F13A1: variants seen among roughly 807,000 people sequenced by gnomAD.
F13A1 encodes FSF, A subunit.
In F13A1, 47 loss-of-function variants were observed where a neutral mutation model predicts 80.1. The ratio of observed to expected loss-of-function variants is 0.59; its 90% CI spans 0.46 to 0.75. F13A1 has a LOEUF of 0.75. Among genes scored for constraint, F13A1 ranks in the 30% least tolerant of loss-of-function variants. The pLI is 0.00. For synonymous variants in F13A1, 349 were observed against 344.9 expected (o/e 1.01, Z -0.13); for missense variants, 817 against 930.4 (o/e 0.88, Z 1.59).
At chr6:6,288,441 G>T (rs1758168051) in intron 3 of F13A1, among the ~76,000 whole-genome samples, 1 of 152,210 alleles carries the variant, frequency 6.6e-6, no homozygotes, top group South Asian at 2.1e-4. Flanking sequence ...TTCTGTGCCT[G>T]GCTTATTTCA....
intron 6 of F13A1, among the ~76,000 whole-genome samples, chr6:6,241,124 A>G (rs1331147053): frequency 6.6e-6 from 1 of 152,166 alleles, no homozygotes; most frequent in African/African-American, 2.4e-5. Context: ...TTCATTCCTG[A>G]TATGAATCAT....
At chr6:6,147,165 G>C (rs1243015347) in intron 14 of F13A1, among the ~76,000 whole-genome samples, 1 of 152,202 alleles carries the variant, frequency 6.6e-6, no homozygotes, top group Non-Finnish European at 1.5e-5. Flanking sequence ...TCAGGGGAAA[G>C]GTGGGAGGGA....
rs565339041 is a variant in F13A1 at position 6,216,125 on chromosome 6, C to T, written c.1112+5908G>A. 4.3e-3 allele frequency among the ~76,000 whole-genome samples: 656 copies of T among 151,426 alleles called. 6 individuals are homozygous for T. The highest frequency in any genetic ancestry group is 0.015 in the African/African-American group (619 of 41,240). ...CCCAAGGTAATTTACAGATTCAATG[C>T]CATCCCCATCAAGCTACCAGTGACT... is the stretch of plus-strand genomic sequence containing the variant. On this transcript the variant is annotated intron_variant, in intron 8 of 14. Transcript: ENST00000264870.
chr6:6,202,657 A>G (rs749818257), intron 8 of F13A1, among the ~76,000 whole-genome samples: 1 of 152,380 alleles, frequency 6.6e-6, no homozygotes. Context: ...TAGAAGCAGT[A>G]TAGAAATCAA....
intron 13 of F13A1, among the ~76,000 whole-genome samples, chr6:6,166,591 G>A (rs755022716): frequency 1.3e-5 from 2 of 152,202 alleles, no homozygotes; most frequent in Non-Finnish European, 2.9e-5. Context: ...ACTCCTCAGG[G>A]TCACTGCCAG....
At chr6:6,299,922 T>A (rs907114797) in intron 3 of F13A1, among the ~76,000 whole-genome samples, 2 of 147,060 alleles carry the variant, frequency 1.4e-5, no homozygotes, top group Admixed American at 6.7e-5. Flanking sequence ...TACAGATGGG[T>A]TTTTGGTGTG....
chr6:6,275,853 A>G (rs1757981190), intron 3 of F13A1, among the ~76,000 whole-genome samples: 1 of 152,248 alleles, frequency 6.6e-6, no homozygotes, highest in South Asian at 2.1e-4. Context: ...TTTTCTAGAA[A>G]TTCCCTAACC....
intron 8 of F13A1, 86 bp downstream of exon 8, chr6:6,221,947 A>G (rs1757201150): frequency 2.7e-6 from 4 of 1,490,414 alleles, no homozygotes; most frequent in Non-Finnish European, 3.7e-6. Flanking sequence ...AATAGAACAG[A>G]AACATCAGAT....
chr6:6,193,725 T>C (rs1239431127), intron 10 of F13A1, among the ~76,000 whole-genome samples: 1 of 152,024 alleles, frequency 6.6e-6, no homozygotes, highest in Non-Finnish European at 1.5e-5. Context: ...TGGAGGGAGG[T>C]CCTCCTTCTC....
chr6:6,214,783 C>CTTTTG (rs1761689975), intron 8 of F13A1, among the ~76,000 whole-genome samples: 1 of 28,834 alleles, frequency 3.5e-5, no homozygotes, highest in Non-Finnish European at 6.4e-5. Context: ...AGACCGCTAG[C>CTTTTG]AAGACTAATA....
At chr6:6,220,119 C>A (rs1757170164) in intron 8 of F13A1, among the ~76,000 whole-genome samples, 1 of 152,170 alleles carries the variant, frequency 6.6e-6, no homozygotes, top group Admixed American at 6.5e-5. Flanking sequence ...ATGGTCTGGG[C>A]ACGTCCTGAG....
At chr6:6,291,983 G>A (rs1330381330) in intron 3 of F13A1, among the ~76,000 whole-genome samples, 2 of 152,122 alleles carry the variant, frequency 1.3e-5, no homozygotes, top group African/African-American at 4.8e-5. Context: ...CATCTCCTTG[G>A]TGGAGGCTCC....
intron 7 of F13A1, among the ~76,000 whole-genome samples, chr6:6,223,160 T>C (rs1757223705): frequency 6.6e-6 from 1 of 152,254 alleles, no homozygotes; most frequent in Non-Finnish European, 1.5e-5. Flanking sequence ...CACCTGTTCC[T>C]CCTTCCCCCA....
chr6:6,173,010 T>A (rs1314850130), intron 12 of F13A1, among the ~76,000 whole-genome samples: 6 of 152,112 alleles, frequency 3.9e-5, no homozygotes, highest in Non-Finnish European at 8.8e-5. Context: ...TCAAAATTAT[T>A]ATTTGTACAC....
chr6:6,251,378 ACG>A (rs1284439130), intron 4 of F13A1, among the ~76,000 whole-genome samples: 2,476 of 152,302 alleles, frequency 0.016, 56 homozygotes, highest in East Asian at 0.11. Flanking sequence ...GAGAAGGCCC[ACG>A]TGTCATGTCT....
chr6:6,260,557 G>A (rs1209242573), intron 4 of F13A1, among the ~76,000 whole-genome samples: 2 of 152,204 alleles, frequency 1.3e-5, no homozygotes, highest in Non-Finnish European at 2.9e-5. Flanking sequence ...AAAACTGCAG[G>A]GGACTGCTGG....
At chr6:6,172,729 G>A (rs1490597293) in intron 12 of F13A1, among the ~76,000 whole-genome samples, 1 of 152,166 alleles carries the variant, frequency 6.6e-6, no homozygotes, top group Non-Finnish European at 1.5e-5. Context: ...TTACAGGCAT[G>A]AGCCACCATG....
chr6:6,244,550 C>T (rs1468684707), intron 6 of F13A1, among the ~76,000 whole-genome samples: 2 of 152,098 alleles, frequency 1.3e-5, no homozygotes, highest in Non-Finnish European at 2.9e-5. Flanking sequence ...CCCAGGCTGT[C>T]CAGATTGTCA....
chr6:6,229,121 GA>G (rs1218419018), intron 6 of F13A1, among the ~76,000 whole-genome samples: 1 of 152,136 alleles, frequency 6.6e-6, no homozygotes, highest in African/African-American at 2.4e-5. Context: ...AGATTGAGAA[GA>G]ATTTCATTTA....
Sources: allele counts gnomAD v4.1 joint callset (sites outside exome capture counted in the v4.1 genomes callset), GRCh38; gene constraint gnomAD v4.1.1; transcripts MANE v1.5; gene names NCBI Gene and HGNC (gene_info 2026-07-23, HGNC 2026-07-21).